The following STON1 variants were observed in gnomAD, a reference collection of about 807,000 sequenced individuals.
STON1 encodes stonin-1.
STON1 carries 79 observed loss-of-function variants against 60.9 expected under a neutral mutation model. The observed-to-expected ratio is 1.30, with a 90% CI of 1.08 to 1.56. The LOEUF (loss-of-function observed/expected upper bound fraction) is 1.56, where lower values mean the gene tolerates loss of function less well. Among genes scored for constraint, STON1 ranks in the 40% most tolerant of loss-of-function variants. The pLI is 0.00. For synonymous variants in STON1, 363 were observed against 306.9 expected (o/e 1.18, Z -1.91); for missense variants, 1,166 against 858.9 (o/e 1.36, Z -4.47).
At chr2:48,552,888 A>G (rs1195173322) in intron 1 of STON1, among the ~76,000 whole-genome samples, 1 of 152,100 alleles carries the variant, frequency 6.6e-6, no homozygotes, top group Admixed American at 6.5e-5. Context: ...ACAATTTAAT[A>G]TTTTCTCTTC....
At chr2:48,531,919 A>G (rs1349385557) in intron 1 of STON1, 3 of 152,346 alleles carry the variant, frequency 2.0e-5, no homozygotes, top group Admixed American at 1.3e-4. Context: ...TTTTATTTGA[A>G]TTCTACTGGA....
chr2:48,578,083 C>T (rs1673622488), intron 1 of STON1, among the ~76,000 whole-genome samples: 1 of 152,130 alleles, frequency 6.6e-6, no homozygotes, highest in Admixed American at 6.6e-5. Context: ...CAGGCAATTC[C>T]CCTGCCTTAG....
At chr2:48,533,554 G>A (rs879367130) in intron 1 of STON1, among the ~76,000 whole-genome samples, 1 of 150,968 alleles carries the variant, frequency 6.6e-6, no homozygotes, top group Non-Finnish European at 1.5e-5. Flanking sequence ...GCTGGGTGTG[G>A]TGGCAGGCAC....
chr2:48,588,683 A>G (rs1343973418), intron 2 of STON1, among the ~76,000 whole-genome samples: 1 of 152,188 alleles, frequency 6.6e-6, no homozygotes, highest in Non-Finnish European at 1.5e-5. Flanking sequence ...ACTATGTTCT[A>G]ATTATAAAAC....
chr2:48,564,464 C>A (rs1444064658), intron 1 of STON1, among the ~76,000 whole-genome samples: 1 of 55,228 alleles, frequency 1.8e-5, no homozygotes, highest in African/African-American at 6.9e-5. Flanking sequence ...TCTTCTTCTT[C>A]TTCTTCTTCT....
At chr2:48,541,699 CAAAAAAAA>C (rs71399061) in intron 1 of STON1, among the ~76,000 whole-genome samples, 3 of 60,694 alleles carry the variant, frequency 4.9e-5, no homozygotes, top group African/African-American at 1.9e-4. Flanking sequence ...AACTTCGTCT[CAAAAAAAA>C]AAAAAAAAAA....
chr2:48,589,895 A>G (rs1674414892), intron 2 of STON1, among the ~76,000 whole-genome samples: 1 of 152,238 alleles, frequency 6.6e-6, no homozygotes, highest in Non-Finnish European at 1.5e-5. Flanking sequence ...ATATTGCTAT[A>G]GAATACTACT....
In STON1 at chr2:48,580,574, A is replaced by G; in HGVS notation, c.-47-13A>G. Reference sequence around the variant, plus strand: ...TATATACCTATTTTCTCTTTATTTTATTTTTTTAACAGAGTCAACCTATTT... The same window carrying G: ...TATATACCTATTTTCTCTTTATTTTGTTTTTTTAACAGAGTCAACCTATTT... On this transcript the variant is annotated splice_polypyrimidine_tract_variant and intron_variant, in intron 1 of 3. Transcript: ENST00000404752. 7.6e-7 allele frequency: 1 copy of G among 1,319,386 alleles called. No homozygotes were observed. The highest frequency in any genetic ancestry group is 9.7e-7 in the Non-Finnish European group (1 of 1,026,092). The allele number at this position is 1,319,386 out of a possible 1,614,324, so 81.7% of individuals were successfully genotyped here.
chr2:48,575,157 C>T (rs527549793), intron 1 of STON1, among the ~76,000 whole-genome samples: 1 of 152,310 alleles, frequency 6.6e-6, no homozygotes, highest in South Asian at 2.1e-4. Context: ...GCATAATGTG[C>T]TGAAGGTTAA....
Position 48,582,346 on chromosome 2 carries a change from C to T in STON1, c.1713C>T (p.His571=). 1 of 1,614,208 alleles carries T rather than the reference C, an allele frequency of 6.2e-7. No homozygotes were observed. Among genetic ancestry groups the T allele is most frequent in the East Asian group, 2.2e-5 (1 of 44,878 alleles). ...GGTCCTGTGACAATATAAGGATACACTTTCCTGTCCCATCGCAGTGGATCA... is the reference window on the plus strand; with the variant it reads ...GGTCCTGTGACAATATAAGGATACATTTTCCTGTCCCATCGCAGTGGATCA... ...SLRSCDNIRI[H]FPVPSQWIKA... is the part of the protein sequence containing the mutation. Residue 571 remains histidine, a synonymous_variant, in exon 2 of 4, where the codon CAC becomes CAT. Transcript: ENST00000404752.
At chr2:48,588,704 A>T (rs1160791051) in intron 2 of STON1, among the ~76,000 whole-genome samples, 2 of 151,860 alleles carry the variant, frequency 1.3e-5, no homozygotes, top group Non-Finnish European at 2.9e-5. Flanking sequence ...TTTTTTTTAA[A>T]TTTTTTTTCC....
At chr2:48,576,498 C>CTTT (rs35460615) in intron 1 of STON1, among the ~76,000 whole-genome samples, 3 of 143,912 alleles carry the variant, frequency 2.1e-5, no homozygotes, top group African/African-American at 7.7e-5. Context: ...CCATATTATC[C>CTTT]TTTTTTTTTT....
intron 1 of STON1, among the ~76,000 whole-genome samples, chr2:48,555,503 AC>A (rs542108792): frequency 0.015 from 947 of 63,914 alleles, 59 homozygotes; most frequent in African/African-American, 0.056. Context: ...TGGGGGGCTG[AC>A]CCCCCCACCT....
intron 2 of STON1, among the ~76,000 whole-genome samples, chr2:48,584,210 A>G (rs889925526): frequency 6.6e-6 from 1 of 152,048 alleles, no homozygotes; most frequent in African/African-American, 2.4e-5. Context: ...CAGGCTGTGG[A>G]CTTCAGAGGA....
chr2:48,564,966 C>T (rs1465302533), intron 1 of STON1, among the ~76,000 whole-genome samples: 1 of 147,412 alleles, frequency 6.8e-6, no homozygotes, highest in Non-Finnish European at 1.5e-5. Context: ...CTCCTGATAT[C>T]AGGTGATCCA....
At chr2:48,569,010 T>G (rs1367166926) in intron 1 of STON1, 1 of 152,298 alleles carries the variant, frequency 6.6e-6, no homozygotes, top group Non-Finnish European at 1.5e-5. Context: ...TCTCTGGACC[T>G]CCGGGTGGTG....
At chr2:48,536,446 G>A (rs369084798) in intron 1 of STON1, among the ~76,000 whole-genome samples, 1 of 151,408 alleles carries the variant, frequency 6.6e-6, no homozygotes, top group African/African-American at 2.4e-5. Context: ...TACTCGGGAG[G>A]TTGATGCAGG....
intron 2 of STON1, among the ~76,000 whole-genome samples, chr2:48,590,636 A>AACACACACACACACACACACACACAC (rs6146756): frequency 0.012 from 1,721 of 142,068 alleles, 42 homozygotes; most frequent in African/African-American, 0.037. Flanking sequence ...ATTTCCTTAT[A>AACACACACACACACACACACACACAC]ACACACACAC....
chr2:48,580,865 A>G lies in STON1; in HGVS notation c.232A>G (p.Asn78Asp), dbSNP rs1673837933. Residue 78 changes from asparagine (N) to aspartate (D), a missense_variant, in exon 2 of 4, where the codon AAC becomes GAC. Asn to Asp is a conservative substitution (Grantham distance 23). Coordinates refer to ENST00000404752, the MANE Select transcript of STON1 (RefSeq NM_006873.4). ...TTATTTCAGTCCAGGACCTCCAAGTAACTCTCCTCTTTCTACACCTACCAA... is the reference window on the plus strand; with the variant it reads ...TTATTTCAGTCCAGGACCTCCAAGTGACTCTCCTCTTTCTACACCTACCAA... Reference protein sequence around the residue: ...DFYFSPGPPSNSPLSTPTKDF... With the variant: ...DFYFSPGPPSDSPLSTPTKDF... The G allele has an allele frequency of 8.3e-6, 13 of 1,569,380 alleles. No homozygotes were observed. The highest frequency in any genetic ancestry group is 2.7e-5 in the African/African-American group (2 of 73,292).
Sources: gnomAD v4.1 joint callset for allele counts (sites outside exome capture counted in the v4.1 genomes callset) on GRCh38, gnomAD v4.1.1 for gene constraint, MANE v1.5 for transcripts, NCBI Gene and HGNC (gene_info 2026-07-23, HGNC 2026-07-21) for gene names.